The following FRMD3 variants were observed in gnomAD, a reference collection of about 807,000 sequenced individuals.
FRMD3 encodes the protein FERM domain-containing protein 3.
Under a neutral mutation model 70.2 loss-of-function variants are expected in FRMD3, and 33 were observed. The ratio of observed to expected loss-of-function variants is 0.47; its 90% CI spans 0.36 to 0.63. The LOEUF (loss-of-function observed/expected upper bound fraction) is 0.63. Ranked by LOEUF, FRMD3 falls within the 20% of genes least tolerant of loss-of-function variation. The pLI is 0.00. For synonymous variants in FRMD3, 279 were observed against 255.9 expected (o/e 1.09, Z -0.86); for missense variants, 632 against 711.4 (o/e 0.89, Z 1.27).
chr9:83,434,656 C>T (rs1004883683), intron 1 of FRMD3, among the ~76,000 whole-genome samples: 5 of 152,112 alleles, frequency 3.3e-5, no homozygotes, highest in Non-Finnish European at 7.4e-5. Flanking sequence ...ACAGTCCTCT[C>T]CCAATGTCTT....
At chr9:83,498,296 A>T (rs1828987456) in intron 1 of FRMD3, among the ~76,000 whole-genome samples, 1 of 152,190 alleles carries the variant, frequency 6.6e-6, no homozygotes, top group Non-Finnish European at 1.5e-5. Flanking sequence ...TACTTCAATG[A>T]CTTTGCCCAG....
At chr9:83,392,086 A>T (rs1825681111) in intron 1 of FRMD3, among the ~76,000 whole-genome samples, 1 of 152,128 alleles carries the variant, frequency 6.6e-6, no homozygotes, top group Non-Finnish European at 1.5e-5. Flanking sequence ...AAGAAAAAAA[A>T]AAAAGCCCCT....
chr9:83,514,784 C>T (rs970458192), intron 1 of FRMD3, among the ~76,000 whole-genome samples: 6 of 152,226 alleles, frequency 3.9e-5, no homozygotes, highest in African/African-American at 1.4e-4. Context: ...GCAATCTTTG[C>T]TGTTCTGCAG....
At chr9:83,494,904 C>T (rs1289718119) in intron 1 of FRMD3, among the ~76,000 whole-genome samples, 1 of 151,278 alleles carries the variant, frequency 6.6e-6, no homozygotes, top group East Asian at 1.9e-4. Flanking sequence ...TTTACAAAAT[C>T]ATATCATTGT....
At chr9:83,415,789 T>G (rs1826423317) in intron 1 of FRMD3, among the ~76,000 whole-genome samples, 1 of 151,878 alleles carries the variant, frequency 6.6e-6, no homozygotes, top group African/African-American at 2.4e-5. Flanking sequence ...AGACATTATA[T>G]TAGCCTTTTA....
chr9:83,400,926 G>A (rs1825935581), intron 1 of FRMD3, among the ~76,000 whole-genome samples: 1 of 152,154 alleles, frequency 6.6e-6, no homozygotes, highest in South Asian at 2.1e-4. Flanking sequence ...AGTATAGTCT[G>A]TGATCTGGAA....
chr9:83,479,663 G>A (rs148499547), intron 1 of FRMD3, among the ~76,000 whole-genome samples: 479 of 44,644 alleles, frequency 0.011, 8 homozygotes, highest in African/African-American at 0.047. Flanking sequence ...AAGGAAGGAA[G>A]GAAGGAAGGA....
intron 1 of FRMD3, among the ~76,000 whole-genome samples, chr9:83,529,106 A>T (rs983351526): frequency 2.6e-5 from 4 of 152,234 alleles, no homozygotes; most frequent in Non-Finnish European, 5.9e-5. Flanking sequence ...TCTTCATTCA[A>T]TCTGTTGCAA....
At chr9:83,307,063 T>C (rs1835162074) in intron 10 of FRMD3, among the ~76,000 whole-genome samples, 1 of 152,210 alleles carries the variant, frequency 6.6e-6, no homozygotes, top group South Asian at 2.1e-4. Flanking sequence ...TATATAAAAT[T>C]CTGTAATAAA....
intron 1 of FRMD3, among the ~76,000 whole-genome samples, chr9:83,393,945 TG>T (rs1445786386): frequency 1.9e-4 from 20 of 102,890 alleles, no homozygotes; most frequent in South Asian, 1.0e-3. Context: ...TTTTTGTTGT[TG>T]TTGTTTTTTT....
chr9:83,386,412 T>A (rs1444090134), intron 2 of FRMD3, among the ~76,000 whole-genome samples: 4 of 152,206 alleles, frequency 2.6e-5, no homozygotes, highest in African/African-American at 7.2e-5. Flanking sequence ...CCCCCATCCT[T>A]TCCTTTACTC....
chr9:83,409,049 C>T (rs572709192), intron 1 of FRMD3, among the ~76,000 whole-genome samples: 94 of 152,184 alleles, frequency 6.2e-4, no homozygotes, highest in African/African-American at 2.1e-3. Context: ...CTCTATTGCC[C>T]CCAAAGAATC....
At position 83,499,865 on chromosome 9, in the gene FRMD3, G is replaced by C. The variant is rs527966602; in HGVS notation, c.147+38220C>G. Among the ~76,000 whole-genome samples the C allele has an allele frequency of 2.0e-5, 3 of 152,212 alleles. No homozygotes were observed. In the South Asian group the frequency reaches 6.2e-4, roughly 32 times the overall value. The stretch of plus-strand genomic sequence containing the variant: ...AAGCAATGAAGCTGTCCTTTAATAG[G>C]TGAATAGTTACACAAACTGTGGTAC... On this transcript the variant is annotated intron_variant, in intron 1 of 13. Coordinates refer to ENST00000304195, the MANE Select transcript of FRMD3 (RefSeq NM_174938.6).
intron 1 of FRMD3, among the ~76,000 whole-genome samples, chr9:83,403,862 CT>C (rs1225285195): frequency 2.6e-5 from 4 of 152,154 alleles, no homozygotes; most frequent in African/African-American, 4.8e-5. Flanking sequence ...CTCCAAGCTA[CT>C]TTTTTTCCCC....
chr9:83,420,362 A>G (rs1826596156), intron 1 of FRMD3, among the ~76,000 whole-genome samples: 1 of 152,204 alleles, frequency 6.6e-6, no homozygotes, highest in Non-Finnish European at 1.5e-5. Flanking sequence ...GGAATCAGAC[A>G]CTATAAACAA....
chr9:83,419,486 AGT>A (rs372750214), intron 1 of FRMD3, among the ~76,000 whole-genome samples: 12 of 147,856 alleles, frequency 8.1e-5, no homozygotes, highest in Non-Finnish European at 1.5e-4. Context: ...ATGTGTTGAG[AGT>A]GTGTGTGTTC....
At chr9:83,410,300 TC>T (rs1210692181) in intron 1 of FRMD3, among the ~76,000 whole-genome samples, 1 of 152,106 alleles carries the variant, frequency 6.6e-6, no homozygotes, top group Non-Finnish European at 1.5e-5. Context: ...CTTGCCCTTG[TC>T]CCTCCCTCCC....
At chr9:83,256,013 C>CA (rs1832690102) in intron 13 of FRMD3, among the ~76,000 whole-genome samples, 1 of 151,810 alleles carries the variant, frequency 6.6e-6, no homozygotes, top group Non-Finnish European at 1.5e-5. Context: ...CAGAATTAAA[C>CA]AAAAATATTT....
rs535638500 is a variant in FRMD3 at position 83,385,484 on chromosome 9, G to A, written c.252+4120C>T. Among the ~76,000 whole-genome samples the A allele has an allele frequency of 3.3e-5, 5 of 152,254 alleles. No individual in the cohort carries two copies. In the South Asian group the frequency reaches 1.0e-3, roughly 32 times the overall value. On this transcript the variant is annotated intron_variant, in intron 2 of 13. Coordinates refer to ENST00000304195, the MANE Select transcript of FRMD3 (RefSeq NM_174938.6). The stretch of plus-strand genomic sequence containing the variant: ...AAGATAGTCATCATTTCCTGACTCA[G>A]TGTTTCCCATTTCCAGAGCATCTGG...
Sources: allele counts gnomAD v4.1 joint callset (sites outside exome capture counted in the v4.1 genomes callset), GRCh38; gene constraint gnomAD v4.1.1; transcripts MANE v1.5; gene names NCBI Gene and HGNC (gene_info 2026-07-23, HGNC 2026-07-21).